CHDH: variants seen among roughly 807,000 people sequenced by gnomAD.
The protein encoded by CHDH is choline dehydrogenase.
Under a neutral mutation model 56.9 loss-of-function variants are expected in CHDH, and 43 were observed. The ratio of observed to expected loss-of-function variants is 0.76; its 90% CI spans 0.59 to 0.97. CHDH has a LOEUF of 0.97. CHDH is among the 50% of genes least tolerant of loss of function. The pLI is 0.00. For synonymous variants in CHDH, 364 were observed against 348.5 expected (o/e 1.04, Z -0.50); for missense variants, 816 against 821.1 (o/e 0.99, Z 0.08).
chr3:53,834,605 C>T (rs796916212), intron 2 of CHDH, among the ~76,000 whole-genome samples: 10 of 152,328 alleles, frequency 6.6e-5, no homozygotes, highest in African/African-American at 2.2e-4. Flanking sequence ...AGTGAAGTTG[C>T]AAAAGGATCA....
chr3:53,845,051 A>G (rs1290345729), intron 1 of CHDH, among the ~76,000 whole-genome samples: 1 of 152,246 alleles, frequency 6.6e-6, no homozygotes, highest in African/African-American at 2.4e-5. Context: ...CAGGAAGATG[A>G]CTATTAGAGC....
intron 2 of CHDH, among the ~76,000 whole-genome samples, chr3:53,839,289 C>T (rs555515345): frequency 2.0e-5 from 3 of 152,280 alleles, no homozygotes; most frequent in East Asian, 1.9e-4. Flanking sequence ...TCACAAGAAA[C>T]GCAAAGGTCA....
intron 8 of CHDH, 150 bp from the exon 9 acceptor site, chr3:53,818,345 C>T: frequency 1.4e-6 from 1 of 699,396 alleles, no homozygotes; most frequent in Non-Finnish European, 2.3e-6. Flanking sequence ...AGCCAGCAGG[C>T]TGCTTGTCCC....
intron 5 of CHDH, 46 bp downstream of exon 5, chr3:53,821,601 G>A (rs2095626627): frequency 1.3e-6 from 2 of 1,576,708 alleles, no homozygotes; most frequent in South Asian, 1.1e-5. Context: ...TAAGCCTTTT[G>A]TTGAGCAGAG....
rs1220922684 is a variant in CHDH, at chr3:53,817,833, G to A, written c.1729C>T (p.Leu577Phe). The change falls in exon 9 of 9, where the codon CTC becomes TTC. Residue 577 changes from leucine to phenylalanine, a missense_variant. Leu to Phe is a conservative substitution (Grantham distance 22, BLOSUM62 0). Coordinates refer to ENST00000315251, the MANE Select transcript of CHDH (RefSeq NM_018397.5). ...TAGACAGGGACATCTTTGTCCCAGA[G>A]TGCAGGCTGCCCCTTGATAATGTCA... ...AADIIKGQPA[L>F]WDKDVPVYKP... 1 of 1,614,060 alleles carries A rather than the reference G, an allele frequency of 6.2e-7. No homozygotes were observed. The highest frequency in any genetic ancestry group is 1.3e-5 in the African/African-American group (1 of 75,068).
intron 2 of CHDH, among the ~76,000 whole-genome samples, chr3:53,838,056 C>CAAAAAA (rs34971544): frequency 1.7e-5 from 1 of 58,816 alleles, no homozygotes; most frequent in African/African-American, 6.9e-5. Flanking sequence ...GACTCTGTCT[C>CAAAAAA]AAAAAAAAAA....
chr3:53,840,033 G>A (rs1184965590), intron 2 of CHDH, among the ~76,000 whole-genome samples: 1 of 152,162 alleles, frequency 6.6e-6, no homozygotes, highest in African/African-American at 2.4e-5. Flanking sequence ...AAGATAGGGA[G>A]TAGATGGGTA....
rs376919048 is a variant in CHDH at position 53,832,327 on chromosome 3, T to C, written c.-59-8260A>G. Among the ~76,000 whole-genome samples the C allele has an allele frequency of 3.7e-4, 57 of 152,018 alleles. No individual in the cohort carries two copies. The East Asian group carries it at 8.3e-3, about 22-fold the overall frequency. On this transcript the variant is annotated intron_variant, in intron 2 of 8. Coordinates refer to ENST00000315251, the MANE Select transcript of CHDH (RefSeq NM_018397.5). ...TAGGCGGATCATGAGGTCAGGAGAT[T>C]AAGACCATCCTGGATAACATGGTGA...
intron 1 of CHDH, among the ~76,000 whole-genome samples, chr3:53,842,050 A>G (rs1698684965): frequency 6.6e-6 from 1 of 151,914 alleles, no homozygotes; most frequent in Admixed American, 6.6e-5. Context: ...CAGCTACTTC[A>G]GAGGGTTGCT....
chr3:53,839,915 A>G (rs1442580742), intron 2 of CHDH, among the ~76,000 whole-genome samples: 3 of 152,218 alleles, frequency 2.0e-5, no homozygotes, highest in African/African-American at 7.2e-5. Flanking sequence ...ATTTGCAGCA[A>G]CACTGATGGA....
At position 53,819,024 on chromosome 3, in the gene CHDH, A is replaced by G. The variant is rs2095620999; in HGVS notation, c.1280T>C (p.Met427Thr). ...QEAYQVHVGP[M>T]RGTSVGWLKL... is the part of the protein sequence containing the mutation. ...GAGCCAGCCCACACTCGTGCCCCGC[A>G]TGGGCCCCACATGTACCTAGAAGAA... is the stretch of plus-strand genomic sequence containing the variant. Residue 427 changes from methionine to threonine, a missense_variant, in exon 8 of 9, where the codon ATG (methionine) becomes ACG (threonine). Physicochemically the swap from Met to Thr is moderately conservative, Grantham distance 81 (BLOSUM62 -1). Transcript: ENST00000315251. The surrounding 1 kb of genome is among the most constrained non-coding windows in gnomAD (Gnocchi z 5.4). 6.2e-7 allele frequency: 1 copy of G among 1,612,738 alleles called. No homozygotes were observed. The highest frequency in any genetic ancestry group is 1.3e-5 in the African/African-American group (1 of 74,906).
intron 2 of CHDH, among the ~76,000 whole-genome samples, chr3:53,830,249 G>C (rs532464741): frequency 2.2e-4 from 34 of 151,682 alleles, no homozygotes; most frequent in African/African-American, 8.2e-4. Flanking sequence ...AAATATAAAG[G>C]ACATAGAAAA....
At position 53,818,823 on chromosome 3, in the gene CHDH, G is replaced by A. The variant is rs180811510; in HGVS notation, c.1366+115C>T. 62 of 771,260 alleles carry A rather than the reference G, an allele frequency of 8.0e-5. No homozygotes were observed. In the East Asian group the frequency reaches 1.5e-3, roughly 18 times the overall value. 47.8% of individuals were successfully genotyped at this position (771,260 alleles called of 1,614,324 possible). ...TAAAGTGACACGGTGGGGGACGACA[G>A]AGGGTCACTTGTGTCCTAGAAAGTG... On this transcript the variant is annotated intron_variant, in intron 8 of 8. Transcript: ENST00000315251.
intron 2 of CHDH, among the ~76,000 whole-genome samples, chr3:53,838,492 G>A (rs1256284896): frequency 6.6e-6 from 1 of 152,220 alleles, no homozygotes; most frequent in Non-Finnish European, 1.5e-5. Context: ...AGGTGGGTAT[G>A]GGTAACCCGG....
chr3:53,821,580 G>GATAC (rs1044843996), intron 5 of CHDH, 67 bp downstream of exon 5: 3 of 1,407,702 alleles, frequency 2.1e-6, no homozygotes, highest in African/African-American at 2.8e-5. Context: ...ATGCTAATAA[G>GATAC]ATACATACAC....
Position 53,814,212 on chromosome 3 carries a change from C to CGTAA in CHDH, c.*3561_*3564dup. ...TTTCACCTTGTGTACTTCTCAGCAT[C>CGTAA]GTAAGTGTCTTTGCCAATTGCATTT... On this transcript the variant is annotated 3_prime_UTR_variant, in exon 9 of 9. Transcript: ENST00000315251. 1 of 152,288 alleles carries CGTAA rather than the reference C, an allele frequency of 6.6e-6. No homozygotes were observed. The highest frequency in any genetic ancestry group is 1.9e-4 in the East Asian group (1 of 5,182). The allele number at this position is 152,288 out of a possible 1,614,324, so 9.4% of individuals were successfully genotyped here.
rs569676436 is a variant in CHDH at position 53,844,108 on chromosome 3, A to G, written c.-131+1975T>C. On this transcript the variant is annotated intron_variant, in intron 1 of 8. Coordinates refer to ENST00000315251, the MANE Select transcript of CHDH (RefSeq NM_018397.5). The stretch of plus-strand genomic sequence containing the variant: ...CCCTCTCCTCCACTCCACAGCCCCA[A>G]CTACGAAACTGAACCAGGTATCACC... Among the ~76,000 whole-genome samples, 5 of 152,236 alleles carry G rather than the reference A, an allele frequency of 3.3e-5. No homozygotes were observed. In the South Asian group the frequency reaches 8.3e-4, roughly 25 times the overall value.
intron 2 of CHDH, among the ~76,000 whole-genome samples, chr3:53,839,145 G>A (rs747877643): frequency 2.4e-4 from 37 of 152,200 alleles, no homozygotes; most frequent in Non-Finnish European, 7.3e-5. Flanking sequence ...ACACACATGA[G>A]GCAATTAAAA....
intron 2 of CHDH, among the ~76,000 whole-genome samples, chr3:53,832,538 A>T (rs888392410): frequency 1.3e-5 from 2 of 152,060 alleles, no homozygotes; most frequent in Non-Finnish European, 2.9e-5. Flanking sequence ...TCTCAAAAAA[A>T]TAATAATAAT....
Sources: gnomAD v4.1 joint callset for allele counts (sites outside exome capture counted in the v4.1 genomes callset) on GRCh38, gnomAD v4.1.1 for gene constraint, Gnocchi (gnomAD v3.1) non-coding constraint, MANE v1.5 for transcripts, NCBI Gene and HGNC (gene_info 2026-07-23, HGNC 2026-07-21) for gene names.